The following ATP10B variants were observed in gnomAD, a reference collection of about 807,000 sequenced individuals.
The protein encoded by ATP10B is phospholipid-transporting ATPase VB.
ATP10B carries 122 observed loss-of-function variants against 141.2 expected under a neutral mutation model. The ratio of observed to expected loss-of-function variants is 0.86; its 90% confidence interval spans 0.75 to 1.00. The LOEUF (loss-of-function observed/expected upper bound fraction) is 1.00, where lower values mean the gene tolerates loss of function less well. Ranked by LOEUF, ATP10B falls within the 50% of genes least tolerant of loss-of-function variation. The pLI, the probability that ATP10B is intolerant of heterozygous loss-of-function variation, is 0.00. For missense variants in ATP10B, 1,876 were observed against 1,825.3 expected (o/e 1.03, Z -0.51); for synonymous variants, 685 against 692.0 (o/e 0.99, Z 0.16).
chr5:160,673,774 A>G (rs1314031315), intron 6 of ATP10B, among the ~76,000 whole-genome samples: 1 of 152,164 alleles, frequency 6.6e-6, no homozygotes, highest in Non-Finnish European at 1.5e-5. Flanking sequence ...CTCAGGGGAT[A>G]ATATTTTTCC....
chr5:160,840,840 A>C (rs1383615690), intron 1 of ATP10B, among the ~76,000 whole-genome samples: 1 of 152,228 alleles, frequency 6.6e-6, no homozygotes, highest in Admixed American at 6.5e-5. Context: ...CCTTGAACAT[A>C]TGAAAAGCTA....
At position 160,611,451 on chromosome 5, in the gene ATP10B, A is replaced by G. The variant is rs148950861; in HGVS notation, c.2838+1290T>C. 4.5e-3 allele frequency among the ~76,000 whole-genome samples: 688 copies of G among 152,312 alleles called. 3 individuals are homozygous for G. Among genetic ancestry groups the G allele is most frequent in the Non-Finnish European group, 7.6e-3 (518 of 68,028 alleles). ...AGGGATCAAGCATTCAAGCAAGCTG[A>G]AAATTACTTTCCTTCCTAAGCATAA... On this transcript the variant is annotated intron_variant, in intron 18 of 25. Coordinates refer to ENST00000327245, the MANE Select transcript of ATP10B (RefSeq NM_025153.3).
chr5:160,721,264 G>A (rs1242264468), intron 2 of ATP10B, among the ~76,000 whole-genome samples: 1 of 152,062 alleles, frequency 6.6e-6, no homozygotes, highest in Non-Finnish European at 1.5e-5. Context: ...ATGCTCACTT[G>A]ATTTACAATA....
At chr5:160,579,536 T>C (rs1755413644) in intron 24 of ATP10B, among the ~76,000 whole-genome samples, 1 of 152,218 alleles carries the variant, frequency 6.6e-6, no homozygotes, top group Non-Finnish European at 1.5e-5. Context: ...ATATCTGTTT[T>C]GGTACCAGTA....
At chr5:160,844,444 C>T (rs989002311) in intron 1 of ATP10B, among the ~76,000 whole-genome samples, 2 of 152,130 alleles carry the variant, frequency 1.3e-5, no homozygotes, top group African/African-American at 2.4e-5. Flanking sequence ...TTTCTTAGCT[C>T]CCTTAGTGTC....
At chr5:160,716,176 A>G (rs1765644515) in intron 3 of ATP10B, among the ~76,000 whole-genome samples, 1 of 152,232 alleles carries the variant, frequency 6.6e-6, no homozygotes. Flanking sequence ...ACAAATGTCC[A>G]TCAAAGAGTA....
At chr5:160,909,299 T>TG in the ATP10B span, among the ~76,000 whole-genome samples, 2 of 152,078 alleles carry the variant, frequency 1.3e-5, no homozygotes, top group African/African-American at 2.4e-5. Flanking sequence ...GTGTGTGTGT[T>TG]TTTTTTAATT....
intron 9 of ATP10B, among the ~76,000 whole-genome samples, chr5:160,643,924 T>A (rs1760074562): frequency 6.6e-6 from 1 of 152,174 alleles, no homozygotes; most frequent in Admixed American, 6.5e-5. Context: ...CTAGTGCAGA[T>A]GGGTGATATT....
intron 2 of ATP10B, among the ~76,000 whole-genome samples, chr5:160,767,673 C>T (rs1273427893): frequency 7.3e-6 from 1 of 136,254 alleles, no homozygotes; most frequent in Non-Finnish European, 1.5e-5. Context: ...CTGACTGGTT[C>T]TGGTCCTCAA....
At chr5:160,721,501 T>C (rs995638722) in intron 2 of ATP10B, among the ~76,000 whole-genome samples, 3 of 152,194 alleles carry the variant, frequency 2.0e-5, no homozygotes, top group African/African-American at 7.2e-5. Flanking sequence ...AATTAAACTT[T>C]TAAATCTCTG....
At chr5:160,620,252 G>C in intron 15 of ATP10B, 95 bp downstream of exon 15, 2 of 1,473,812 alleles carry the variant, frequency 1.4e-6, no homozygotes, top group Non-Finnish European at 1.8e-6. Context: ...GCCATACCAG[G>C]TGACACTACA....
intron 1 of ATP10B, among the ~76,000 whole-genome samples, chr5:160,822,987 TAC>T (rs1455418360): frequency 0.038 from 3,174 of 84,474 alleles, 73 homozygotes; most frequent in East Asian, 0.087. Flanking sequence ...AAATTACATA[TAC>T]ATATATATAT....
intron 15 of ATP10B, 25 bp from the exon 16 acceptor site, chr5:160,617,998 T>C (rs1052629225): frequency 6.4e-7 from 1 of 1,563,470 alleles, no homozygotes; most frequent in Admixed American, 1.7e-5. Flanking sequence ...TTTTCCCGCA[T>C]GAGGCCACAT....
At chr5:160,813,973 C>T (rs951358150) in intron 1 of ATP10B, among the ~76,000 whole-genome samples, 1 of 152,150 alleles carries the variant, frequency 6.6e-6, no homozygotes, top group Non-Finnish European at 1.5e-5. Flanking sequence ...CACACCAAAA[C>T]CCCATCTGTA....
chr5:160,702,170 C>A (rs1349216049), intron 3 of ATP10B, among the ~76,000 whole-genome samples: 1 of 152,134 alleles, frequency 6.6e-6, no homozygotes, highest in Non-Finnish European at 1.5e-5. Context: ...AAACAAAAAA[C>A]AATAATTTGT....
At chr5:160,781,025 C>A (rs998669100) in intron 2 of ATP10B, among the ~76,000 whole-genome samples, 5 of 152,102 alleles carry the variant, frequency 3.3e-5, no homozygotes, top group Admixed American at 6.6e-5. Context: ...GAAATGTGTT[C>A]TTTGCCCAGT....
At chr5:160,779,511 T>A (rs1770579238) in intron 2 of ATP10B, among the ~76,000 whole-genome samples, 2 of 152,168 alleles carry the variant, frequency 1.3e-5, no homozygotes, top group African/African-American at 4.8e-5. Context: ...CAATGGCCAG[T>A]GAGGAAATGA....
intron 22 of ATP10B, among the ~76,000 whole-genome samples, chr5:160,592,762 A>G (rs1756405737): frequency 6.6e-6 from 1 of 152,230 alleles, no homozygotes; most frequent in African/African-American, 2.4e-5. Context: ...AGGAGATTAT[A>G]TCCTGCACAT....
the ATP10B span, among the ~76,000 whole-genome samples, chr5:160,858,640 A>G: frequency 6.6e-6 from 1 of 151,720 alleles, no homozygotes; most frequent in Non-Finnish European, 1.5e-5. Flanking sequence ...TAAGATTACC[A>G]TTTTGTCTTT....
Sources: gnomAD v4.1 joint callset for allele counts (sites outside exome capture counted in the v4.1 genomes callset) on GRCh38, gnomAD v4.1.1 for gene constraint, MANE v1.5 for transcripts, NCBI Gene and HGNC (gene_info 2026-07-23, HGNC 2026-07-21) for gene names.